The following ANKS1B variants were observed in gnomAD, a reference collection of about 807,000 sequenced individuals.
The protein encoded by ANKS1B is ankyrin repeat and sterile alpha motif domain containing 1B.
In ANKS1B, 36 loss-of-function variants were observed where a neutral mutation model predicts 148.3. The observed-to-expected ratio is 0.24, with a 90% CI of 0.19 to 0.32. The LOEUF (loss-of-function observed/expected upper bound fraction) is 0.32. Ranked by LOEUF, ANKS1B falls within the 10% of genes least tolerant of loss-of-function variation. ANKS1B has a pLI of 1.00. For missense variants in ANKS1B, 1,157 were observed against 1,542.6 expected, an observed-to-expected ratio of 0.75 and a Z score of 4.19; for synonymous variants, 542 against 560.8, an observed-to-expected ratio of 0.97 and a Z score of 0.47.
At chr12:99,649,441 C>A in intron 9 of ANKS1B, 1 of 1,493,282 alleles carries the variant, frequency 6.7e-7, no homozygotes, top group Non-Finnish European at 9.3e-7. Context: ...AGAGTTCACA[C>A]ACCCCTGCAG....
intron 10 of ANKS1B, among the ~76,000 whole-genome samples, chr12:99,500,667 T>A (rs2096646451): frequency 6.6e-6 from 1 of 152,124 alleles, no homozygotes; most frequent in Non-Finnish European, 1.5e-5. Context: ...CCAGGTAAGG[T>A]TAAGTACTCC....
At chr12:99,688,364 C>T (rs1181644342) in intron 8 of ANKS1B, among the ~76,000 whole-genome samples, 1 of 152,220 alleles carries the variant, frequency 6.6e-6, no homozygotes, top group African/African-American at 2.4e-5. Context: ...GTAAGGCTCA[C>T]CTCATTTGTT....
At chr12:99,145,467 T>C (rs185058147) in intron 15 of ANKS1B, among the ~76,000 whole-genome samples, 28 of 152,114 alleles carry the variant, frequency 1.8e-4, no homozygotes, top group Middle Eastern at 3.4e-3. Context: ...AACCTTGAGG[T>C]AGGTCTTCCT....
chr12:99,968,328 C>G, intron 1 of ANKS1B, among the ~76,000 whole-genome samples: 1 of 152,070 alleles, frequency 6.6e-6, no homozygotes, highest in Admixed American at 6.5e-5. Context: ...GAGGCCGAGA[C>G]GGATGGATCA....
intron 9 of ANKS1B, among the ~76,000 whole-genome samples, chr12:99,652,216 T>A (rs1331290859): frequency 1.3e-5 from 2 of 152,022 alleles, no homozygotes; most frequent in Non-Finnish European, 2.9e-5. Context: ...CTCACGCCTG[T>A]AATACCAGCA....
At chr12:99,873,925 A>G (rs1264467940) in intron 1 of ANKS1B, among the ~76,000 whole-genome samples, 5 of 151,828 alleles carry the variant, frequency 3.3e-5, no homozygotes, top group Non-Finnish European at 7.4e-5. Context: ...AGTCTCCTGC[A>G]TGCTGGTATG....
intron 7 of ANKS1B, 42 bp from the exon 8 acceptor site, chr12:99,773,130 GTTAAAAC>G (rs1253408812): frequency 2.0e-6 from 3 of 1,526,848 alleles, no homozygotes; most frequent in Non-Finnish European, 2.7e-6. Flanking sequence ...AAAGGCTATT[GTTAAAAC>G]TTAATGTTAA....
intron 1 of ANKS1B, among the ~76,000 whole-genome samples, chr12:99,856,313 T>G (rs1388195797): frequency 6.6e-6 from 1 of 152,010 alleles, no homozygotes; most frequent in Admixed American, 6.6e-5. Flanking sequence ...GAAAACCTAG[T>G]GGACATGGAT....
At chr12:99,836,379 C>A (rs2084860609) in intron 1 of ANKS1B, among the ~76,000 whole-genome samples, 1 of 151,902 alleles carries the variant, frequency 6.6e-6, no homozygotes, top group African/African-American at 2.4e-5. Flanking sequence ...GACTGTAATG[C>A]ACAATTTTAC....
At chr12:99,578,516 A>C (rs559387169) in intron 9 of ANKS1B, among the ~76,000 whole-genome samples, 1 of 152,292 alleles carries the variant, frequency 6.6e-6, no homozygotes, top group Non-Finnish European at 1.5e-5. Context: ...TCAGAATACA[A>C]AATTTATTAC....
At chr12:99,861,910 A>C (rs1263139079) in intron 1 of ANKS1B, among the ~76,000 whole-genome samples, 2 of 151,332 alleles carry the variant, frequency 1.3e-5, no homozygotes, top group Non-Finnish European at 2.9e-5. Context: ...CTCCAGAAAA[A>C]AATTAACACT....
chr12:99,457,887 GA>G (rs2095873128), intron 10 of ANKS1B, among the ~76,000 whole-genome samples: 1 of 151,784 alleles, frequency 6.6e-6, no homozygotes, highest in Non-Finnish European at 1.5e-5. Flanking sequence ...AGTCAACAAA[GA>G]ACTATACCCT....
intron 14 of ANKS1B, among the ~76,000 whole-genome samples, chr12:99,211,722 A>G (rs894878282): frequency 8.5e-5 from 13 of 152,202 alleles, no homozygotes; most frequent in African/African-American, 3.1e-4. Context: ...ACATGACATC[A>G]AGTGGAGGGC....
intron 8 of ANKS1B, among the ~76,000 whole-genome samples, chr12:99,711,178 G>A (rs1403938042): frequency 1.3e-5 from 2 of 152,102 alleles, no homozygotes; most frequent in Non-Finnish European, 2.9e-5. Context: ...AATGCAAGGT[G>A]CTAATGTTAT....
At chr12:98,757,104 C>G (rs1462091520) in intron 25 of ANKS1B, among the ~76,000 whole-genome samples, 2 of 152,082 alleles carry the variant, frequency 1.3e-5, no homozygotes, top group African/African-American at 4.8e-5. Context: ...ATGAGAATGC[C>G]TGAGCTAGCC....
At chr12:99,517,842 C>T (rs1041436196) in intron 9 of ANKS1B, among the ~76,000 whole-genome samples, 2 of 152,052 alleles carry the variant, frequency 1.3e-5, no homozygotes, top group African/African-American at 4.8e-5. Context: ...CAGTATGATA[C>T]TAGCTGTGGG....
intron 14 of ANKS1B, among the ~76,000 whole-genome samples, chr12:99,226,654 T>C (rs1308770357): frequency 6.6e-6 from 1 of 152,208 alleles, no homozygotes; most frequent in African/African-American, 2.4e-5. Context: ...AGTATCATCT[T>C]TGAGAGATAA....
chr12:99,008,782 C>T (rs534886143), intron 17 of ANKS1B, among the ~76,000 whole-genome samples: 77 of 152,082 alleles, frequency 5.1e-4, no homozygotes, highest in Non-Finnish European at 8.7e-4. Flanking sequence ...CAAGATCTCA[C>T]GGAGGAGAAG....
At chr12:99,043,465 G>A (rs1445432796) in intron 17 of ANKS1B, among the ~76,000 whole-genome samples, 2 of 152,170 alleles carry the variant, frequency 1.3e-5, no homozygotes, top group Non-Finnish European at 2.9e-5. Context: ...TTAAGAAATT[G>A]CTTTAGGGTT....
Sources: allele counts gnomAD v4.1 joint callset (sites outside exome capture counted in the v4.1 genomes callset), GRCh38; gene constraint gnomAD v4.1.1; transcripts MANE v1.5; gene names NCBI Gene and HGNC (gene_info 2026-07-23, HGNC 2026-07-21).